The following CCDC144A variants were observed in gnomAD, a reference collection of about 807,000 sequenced individuals.
CCDC144A encodes coiled-coil domain containing 144A.
Under a neutral mutation model 143.8 loss-of-function variants are expected in CCDC144A, and 41 were observed. The ratio of observed to expected loss-of-function variants is 0.29; its 90% CI spans 0.22 to 0.37. CCDC144A has a LOEUF of 0.37. Ranked by LOEUF, CCDC144A falls within the 10% of genes least tolerant of loss-of-function variation. The pLI is 1.00. For synonymous variants in CCDC144A, 242 were observed against 517.9 expected (o/e 0.47, Z 7.23); for missense variants, 637 against 1,488.8 (o/e 0.43, Z 9.41).
intron 1 of CCDC144A, among the ~76,000 whole-genome samples, chr17:16,691,418 G>T (rs1362160105): frequency 1.3e-5 from 2 of 151,874 alleles, no homozygotes; most frequent in Non-Finnish European, 2.9e-5. Flanking sequence ...ATGTTAGTTG[G>T]ATTTAACAGA....
chr17:16,762,533 G>A lies in CCDC144A; in HGVS notation c.3887G>A (p.Arg1296Lys). 6.4e-7 allele frequency: 1 copy of A among 1,567,176 alleles called. No individual in the cohort carries two copies. Among genetic ancestry groups the A allele is most frequent in the Non-Finnish European group, 8.6e-7 (1 of 1,157,188 alleles). Reference sequence around the variant, plus strand: ...GAATCCTTGTCAAATGAACTCAGTAGGTAAGTCAATATGCAGAATCATAGA... The same window carrying A: ...GAATCCTTGTCAAATGAACTCAGTAAGTAAGTCAATATGCAGAATCATAGA... The part of the protein sequence containing the change: ...VRESLSNELS[R>K]TNEMIAEVST... The change falls in exon 14 of 17, where the codon AGA becomes AAA. Residue 1296 changes from arginine (R) to lysine (K), a missense_variant and splice_region_variant. By Grantham distance (26) the Arg-to-Lys change is conservative (BLOSUM62 2). Transcript: ENST00000399273.
chr17:16,702,994 A>ATG (rs775272683), intron 2 of CCDC144A, among the ~76,000 whole-genome samples: 11 of 152,102 alleles, frequency 7.2e-5, no homozygotes, highest in East Asian at 1.9e-4. Flanking sequence ...TCAGCAAATC[A>ATG]TGTGTGTGTG....
chr17:16,705,546 A>C (rs1912001348), intron 3 of CCDC144A, 147 bp downstream of exon 3: 11 of 769,320 alleles, frequency 1.4e-5, no homozygotes, highest in East Asian at 1.1e-4. Context: ...TTTTGGCAGG[A>C]TATTTGTGTT....
chr17:16,750,007 C>G (rs191061715), intron 12 of CCDC144A, among the ~76,000 whole-genome samples: 39 of 152,318 alleles, frequency 2.6e-4, no homozygotes, highest in African/African-American at 9.1e-4. Flanking sequence ...TTGAATATAG[C>G]AGACTGTTGA....
Position 16,720,578 on chromosome 17 carries a change from C to T in CCDC144A, c.1811C>T (p.Ala604Val). 2 of 1,611,178 alleles carry T rather than the reference C, an allele frequency of 1.2e-6. No homozygotes were observed. Among genetic ancestry groups the T allele is most frequent in the Non-Finnish European group, 1.7e-6 (2 of 1,178,388 alleles). The change falls in exon 8 of 17, where the codon GCC becomes GTC. Residue 604 changes from alanine (A) to valine (V), a missense_variant. By Grantham distance (64) the Ala-to-Val change is moderately conservative. Transcript: ENST00000399273. Reference protein sequence around the residue: ...FADSMEPSEIASEDCELSHSV... With the variant: ...FADSMEPSEIVSEDCELSHSV... ...GACTCAATGGAGCCATCTGAAATAG[C>T]CTCAGAGGATTGTGAATTGTCTCAC...
At chr17:16,706,905 G>A (rs1288465813) in intron 3 of CCDC144A, 2 of 152,144 alleles carry the variant, frequency 1.3e-5, no homozygotes, top group Non-Finnish European at 2.9e-5. Flanking sequence ...GGGGAAAGAT[G>A]AGGATGAGGG....
chr17:16,680,622 G>A, the CCDC144A span, among the ~76,000 whole-genome samples: 1 of 143,742 alleles, frequency 7.0e-6, no homozygotes, highest in Admixed American at 7.2e-5. Context: ...GAAGGAATGA[G>A]GGAAGGAAGG....
chr17:16,743,212 T>A (rs1914338511), intron 12 of CCDC144A, among the ~76,000 whole-genome samples: 1 of 152,198 alleles, frequency 6.6e-6, no homozygotes, highest in Admixed American at 6.5e-5. Context: ...AGTAGTTTTA[T>A]AATTTTGGAT....
chr17:16,748,125 C>T, intron 12 of CCDC144A, among the ~76,000 whole-genome samples: 1 of 152,218 alleles, frequency 6.6e-6, no homozygotes, highest in Non-Finnish European at 1.5e-5. Flanking sequence ...TCAAGTGATT[C>T]TCCTGTCTTC....
At chr17:16,685,495 C>T (rs1253030368), upstream of CCDC144A, among the ~76,000 whole-genome samples, 3 of 152,108 alleles carry the variant, frequency 2.0e-5, no homozygotes, top group African/African-American at 7.2e-5. Context: ...ATTCTCCTGC[C>T]TCAGCCTCCT....
At chr17:16,707,730 C>A (rs1567587725) in intron 4 of CCDC144A, among the ~76,000 whole-genome samples, 188 bp downstream of exon 4, 1 of 152,132 alleles carries the variant, frequency 6.6e-6, no homozygotes, top group Non-Finnish European at 1.5e-5. Flanking sequence ...TAGAATCTAT[C>A]ATAACTTATA....
At chr17:16,770,437 C>T (rs1915782757) in intron 15 of CCDC144A, among the ~76,000 whole-genome samples, 1 of 152,262 alleles carries the variant, frequency 6.6e-6, no homozygotes, top group African/African-American at 2.4e-5. Context: ...GTGTGAGCCA[C>T]CGTGCCCAGC....
At chr17:16,721,061 C>T (rs1913064900) in intron 8 of CCDC144A, among the ~76,000 whole-genome samples, 2 of 152,196 alleles carry the variant, frequency 1.3e-5, no homozygotes, top group Non-Finnish European at 2.9e-5. Context: ...TTGCTTATAA[C>T]TCAGCTACTG....
chr17:16,729,049 A>T (rs911882856), intron 9 of CCDC144A, among the ~76,000 whole-genome samples: 1 of 152,190 alleles, frequency 6.6e-6, no homozygotes, highest in African/African-American at 2.4e-5. Flanking sequence ...TGCAATAGAC[A>T]TACGTTTGCA....
chr17:16,730,504 C>T (rs1049238694), intron 9 of CCDC144A, among the ~76,000 whole-genome samples: 1 of 131,766 alleles, frequency 7.6e-6, no homozygotes, highest in African/African-American at 3.4e-5. Flanking sequence ...TTTAGGGGTA[C>T]GTCCTCTAAT....
At chr17:16,681,962 G>T in the CCDC144A span, among the ~76,000 whole-genome samples, 1 of 151,862 alleles carries the variant, frequency 6.6e-6, no homozygotes, top group South Asian at 2.1e-4. Flanking sequence ...AATGATAAAA[G>T]CTTAAATTCA....
chr17:16,759,768 T>G (rs539244184), intron 12 of CCDC144A, among the ~76,000 whole-genome samples: 1 of 152,390 alleles, frequency 6.6e-6, no homozygotes, highest in East Asian at 1.9e-4. Context: ...GTTTTTGTTG[T>G]GTTGTTGTTG....
At chr17:16,685,139 G>A (rs1430374200), upstream of CCDC144A, among the ~76,000 whole-genome samples, 1 of 152,114 alleles carries the variant, frequency 6.6e-6, no homozygotes, top group Non-Finnish European at 1.5e-5. Context: ...TGATTCTCAT[G>A]CCTCAGCCTC....
intron 2 of CCDC144A, among the ~76,000 whole-genome samples, chr17:16,700,795 A>G (rs1911691911): frequency 6.6e-6 from 1 of 152,048 alleles, no homozygotes; most frequent in Non-Finnish European, 1.5e-5. Flanking sequence ...TACTATGGCA[A>G]TATTAAGTAA....
Sources: gnomAD v4.1 joint callset for allele counts (sites outside exome capture counted in the v4.1 genomes callset) on GRCh38, gnomAD v4.1.1 for gene constraint, MANE v1.5 for transcripts, NCBI Gene and HGNC (gene_info 2026-07-23, HGNC 2026-07-21) for gene names.